The following XPR1 variants were observed in gnomAD, a reference collection of about 807,000 sequenced individuals.
XPR1 encodes xenotropic and polytropic retrovirus receptor 1.
In XPR1, 28 loss-of-function variants were observed where a neutral mutation model predicts 87.5. The ratio of observed to expected loss-of-function variants is 0.32; its 90% CI spans 0.24 to 0.44. The LOEUF (loss-of-function observed/expected upper bound fraction) is 0.44, where lower values mean the gene tolerates loss of function less well. Among genes scored for constraint, XPR1 ranks in the 20% least tolerant of loss-of-function variants. XPR1 has a pLI of 1.00. For synonymous variants in XPR1, 300 were observed against 306.1 expected (o/e 0.98, Z 0.21); for missense variants, 559 against 862.3 (o/e 0.65, Z 4.41).
At chr1:180,802,967 T>C (rs551724948) in intron 3 of XPR1, among the ~76,000 whole-genome samples, 1 of 152,362 alleles carries the variant, frequency 6.6e-6, no homozygotes, top group East Asian at 1.9e-4. Context: ...GTTTCCACTT[T>C]CTGGCTATTA....
At position 180,743,761 on chromosome 1, in the gene XPR1, A is replaced by G. The variant is rs139134545; in HGVS notation, c.122-43992A>G. 2.2e-3 allele frequency among the ~76,000 whole-genome samples: 341 copies of G among 152,252 alleles called. 3 individuals carry two copies. The highest frequency in any genetic ancestry group is 3.7e-3 in the Non-Finnish European group (251 of 67,996). Reference sequence around the variant, plus strand: ...TTCCTGAAGGATGTTTTCAATGGATATGTATTCTGGGCTGACAGTTCTTTT... The same window carrying G: ...TTCCTGAAGGATGTTTTCAATGGATGTGTATTCTGGGCTGACAGTTCTTTT... On this transcript the variant is annotated intron_variant, in intron 2 of 14. Coordinates refer to ENST00000367590, the MANE Select transcript of XPR1 (RefSeq NM_004736.4).
intron 2 of XPR1, among the ~76,000 whole-genome samples, chr1:180,739,887 C>G (rs1658861201): frequency 6.6e-6 from 1 of 151,934 alleles, no homozygotes; most frequent in African/African-American, 2.4e-5. Context: ...ACTATAGGCG[C>G]TTTTGATGGA....
chr1:180,759,301 C>A (rs1278395621), intron 2 of XPR1, among the ~76,000 whole-genome samples: 1 of 152,082 alleles, frequency 6.6e-6, no homozygotes, highest in Non-Finnish European at 1.5e-5. Flanking sequence ...ACACAAAAAA[C>A]CCTTCAAAAA....
intron 7 of XPR1, among the ~76,000 whole-genome samples, chr1:180,820,682 G>A (rs1650596181): frequency 6.6e-6 from 1 of 152,154 alleles, no homozygotes; most frequent in African/African-American, 2.4e-5. Context: ...CCTACTAGCA[G>A]TTTATGAGGA....
chr1:180,820,700 T>C (rs1010756101), intron 7 of XPR1, among the ~76,000 whole-genome samples: 2 of 152,226 alleles, frequency 1.3e-5, no homozygotes, highest in Admixed American at 1.3e-4. Flanking sequence ...GGATTCTGTT[T>C]TCTGCACATC....
At chr1:180,747,965 A>G (rs1435985859) in intron 2 of XPR1, among the ~76,000 whole-genome samples, 3 of 152,226 alleles carry the variant, frequency 2.0e-5, no homozygotes, top group Admixed American at 6.5e-5. Flanking sequence ...AAACAAAACA[A>G]AACAGATTTT....
At chr1:180,663,851 AC>A (rs2101922088) in intron 1 of XPR1, among the ~76,000 whole-genome samples, 1 of 152,148 alleles carries the variant, frequency 6.6e-6, no homozygotes, top group African/African-American at 2.4e-5. Context: ...AGGCGCTGAA[AC>A]CATTGTTCTT....
chr1:180,850,407 G>T (rs530025298), intron 11 of XPR1, among the ~76,000 whole-genome samples: 1 of 151,962 alleles, frequency 6.6e-6, no homozygotes, highest in African/African-American at 2.4e-5. Context: ...CCATAATATG[G>T]AATACATATT....
chr1:180,657,243 A>T (rs1228470646), intron 1 of XPR1, among the ~76,000 whole-genome samples: 1 of 151,378 alleles, frequency 6.6e-6, no homozygotes, highest in Non-Finnish European at 1.5e-5. Flanking sequence ...ATTCTGTGGG[A>T]TGTCTCTTCA....
rs1648376959 is a variant in XPR1, at chr1:180,768,462, CAT to C, written c.122-19290_122-19289del. Among the ~76,000 whole-genome samples the C allele has an allele frequency of 4.6e-5, 7 of 152,330 alleles. 1 individual carries two copies. In the South Asian group the frequency reaches 1.4e-3, roughly 32 times the overall value. ...ACGTGAGTGGCATTTAGATTGAAAA[CAT>C]GAGTACAATTAGATTTATGTAATTC... is the stretch of plus-strand genomic sequence containing the variant. On this transcript the variant is annotated intron_variant, in intron 2 of 14. Transcript: ENST00000367590.
At chr1:180,666,277 G>C (rs1451447995) in intron 1 of XPR1, among the ~76,000 whole-genome samples, 5 of 152,150 alleles carry the variant, frequency 3.3e-5, no homozygotes. Context: ...AGCGTCCCTT[G>C]AGATTCCATA....
At chr1:180,640,344 C>T (rs1347277955) in intron 1 of XPR1, among the ~76,000 whole-genome samples, 1 of 152,122 alleles carries the variant, frequency 6.6e-6, no homozygotes, top group Non-Finnish European at 1.5e-5. Flanking sequence ...TTAAAAACAC[C>T]TCTTATAGCG....
chr1:180,646,650 T>C (rs1267754704), intron 1 of XPR1, among the ~76,000 whole-genome samples: 2 of 152,232 alleles, frequency 1.3e-5, no homozygotes, highest in African/African-American at 2.4e-5. Context: ...TTGGGTCTTT[T>C]CCCCTATTCA....
At chr1:180,822,185 G>A (rs1650656821) in intron 7 of XPR1, among the ~76,000 whole-genome samples, 1 of 152,124 alleles carries the variant, frequency 6.6e-6, no homozygotes, top group Non-Finnish European at 1.5e-5. Context: ...CTTAAGTCTT[G>A]ACAAAGTACT....
chr1:180,746,587 T>C (rs1451785126), intron 2 of XPR1, among the ~76,000 whole-genome samples: 1 of 152,042 alleles, frequency 6.6e-6, no homozygotes, highest in Non-Finnish European at 1.5e-5. Flanking sequence ...GTATAGGGGT[T>C]TTTTTTTGAT....
intron 1 of XPR1, among the ~76,000 whole-genome samples, chr1:180,667,260 T>A (rs1044061019): frequency 3.3e-5 from 5 of 152,226 alleles, no homozygotes; most frequent in Non-Finnish European, 7.3e-5. Context: ...GATATGGCTT[T>A]ATTATCTTGA....
At chr1:180,680,835 A>G (rs1484752381) in intron 1 of XPR1, among the ~76,000 whole-genome samples, 1 of 152,236 alleles carries the variant, frequency 6.6e-6, no homozygotes, top group Non-Finnish European at 1.5e-5. Context: ...GAATGGCTAA[A>G]GAAGATGTGA....
At chr1:180,692,588 G>A (rs1036206773) in intron 2 of XPR1, among the ~76,000 whole-genome samples, 3 of 152,084 alleles carry the variant, frequency 2.0e-5, no homozygotes, top group Non-Finnish European at 4.4e-5. Flanking sequence ...ATGACAGCTT[G>A]TAGATAACAA....
Position 180,695,085 on chromosome 1 carries a change from T to C in XPR1, c.121+12674T>C, listed in dbSNP as rs369914655. ...ATTTTTGTCTTTTTGATAATAGTTA[T>C]TCTAACTGGGGTAAGTTGATATCTC... On this transcript the variant is annotated intron_variant, in intron 2 of 14. Transcript: ENST00000367590. Among the ~76,000 whole-genome samples the C allele has an allele frequency of 2.9e-4, 44 of 152,324 alleles. No homozygotes were observed. The South Asian group carries it at 7.5e-3, about 26-fold the overall frequency.
Sources: gnomAD v4.1 joint callset for allele counts (sites outside exome capture counted in the v4.1 genomes callset) on GRCh38, gnomAD v4.1.1 for gene constraint, MANE v1.5 for transcripts, NCBI Gene and HGNC (gene_info 2026-07-23, HGNC 2026-07-21) for gene names.